The following TMPRSS5 variants were observed in gnomAD, a reference collection of about 807,000 sequenced individuals.
TMPRSS5 encodes the protein transmembrane serine protease 5, also known as transmembrane protease serine 5.
A neutral mutation model predicts 59.7 loss-of-function variants in TMPRSS5; 45 were observed. The observed-to-expected ratio is 0.75, with a 90% confidence interval of 0.59 to 0.97. The LOEUF (loss-of-function observed/expected upper bound fraction) is 0.97. TMPRSS5 is among the 50% of genes least tolerant of loss of function. The probability of loss-of-function intolerance (pLI) is 0.00; values close to 1 mark genes in which losing one functional copy is unlikely to be tolerated. For synonymous variants in TMPRSS5, 225 were observed against 232.0 expected (o/e 0.97, Z 0.27); for missense variants, 585 against 596.7 (o/e 0.98, Z 0.20).
chr11:113,693,213 A>T lies in TMPRSS5; in HGVS notation c.822T>A (p.His274Gln). ...RLARLSSWRVHAGLVSHSAVR... is the reference protein window; with the variant it reads ...RLARLSSWRVQAGLVSHSAVR... ...CGGCACTGTGGCTGACCAGCCCCGC[A>T]TGAACCCGCCAGCTGGACAGGCGGG... Residue 274 changes from histidine to glutamine, a missense_variant, in exon 9 of 13, where the codon CAT becomes CAA. Coordinates refer to ENST00000299882, the MANE Select transcript of TMPRSS5 (RefSeq NM_030770.4). 3.1e-6 allele frequency: 5 copies of T among 1,588,214 alleles called. No individual in the cohort carries two copies. The highest frequency in any genetic ancestry group is 4.3e-6 in the Non-Finnish European group (5 of 1,165,980).
chr11:113,696,878 C>T lies in TMPRSS5; in HGVS notation c.558G>A (p.Leu186=). Residue 186 remains leucine (L), a synonymous_variant, in exon 6 of 13, where the codon CTG becomes CTA. Transcript: ENST00000299882. ...AQLSPRLGGF[L]EEAWQPRNNC... ...CCTACCTGGGCTGCCACGCCTCCTC[C>T]AGGAAGCCTCCCAGTCTAGGAGAGA... The T allele has an allele frequency of 1.3e-6, 2 of 1,567,976 alleles. No homozygotes were observed. Among genetic ancestry groups the T allele is most frequent in the Non-Finnish European group, 1.7e-6 (2 of 1,155,766 alleles).
intron 6 of TMPRSS5, 77 bp from the exon 7 acceptor site, chr11:113,695,520 G>T (rs1025550992): frequency 2.0e-6 from 3 of 1,467,758 alleles, no homozygotes; most frequent in Admixed American, 1.7e-5. Flanking sequence ...CGTGAAGAAT[G>T]GGGGAGGCTG....
Position 113,700,030 on chromosome 11 carries a change from C to T in TMPRSS5, c.106+36G>A, listed in dbSNP as rs200845002. On this transcript the variant is annotated intron_variant, in intron 2 of 12. Transcript: ENST00000299882. ...TAGGATGATTGCCCTCCACTGTCCC[C>T]ACCCTGTCATTCCCCTATGGCCCAG... 2,596 of 1,552,320 alleles carry T rather than the reference C, an allele frequency of 1.7e-3. 10 individuals are homozygous for T. Among genetic ancestry groups the T allele is most frequent in the Non-Finnish European group, 2.0e-3 (2,315 of 1,147,402 alleles).
intron 9 of TMPRSS5, among the ~76,000 whole-genome samples, chr11:113,691,191 C>A (rs975286576): frequency 2.6e-5 from 4 of 152,054 alleles, no homozygotes; most frequent in Non-Finnish European, 5.9e-5. Context: ...TGGACAGGAC[C>A]CATGCTGCCC....
At chr11:113,699,207 GTCTGTCTC>G (rs1450315343) in intron 3 of TMPRSS5, among the ~76,000 whole-genome samples, 180 bp from the exon 4 acceptor site, 1,037 of 46,304 alleles carry the variant, frequency 0.022, 161 homozygotes, top group Non-Finnish European at 0.028. Flanking sequence ...TCCTTTGTCT[GTCTGTCTC>G]TCTCTCTCTC....
chr11:113,698,900 C>T lies in TMPRSS5; in HGVS notation c.328+5G>A. 3.2e-6 allele frequency: 5 copies of T among 1,583,202 alleles called. No homozygotes were observed. The highest frequency in any genetic ancestry group is 4.3e-6 in the Non-Finnish European group (5 of 1,164,746). On this transcript the variant is annotated splice_donor_5th_base_variant and intron_variant, in intron 4 of 12. Coordinates refer to ENST00000299882, the MANE Select transcript of TMPRSS5 (RefSeq NM_030770.4). Reference sequence around the variant, plus strand: ...GAGGCCCGTAGCCTTAGGGGTGCAGCCCACCTGTTTTGGGAAGTGCAGGGA... The same window carrying T: ...GAGGCCCGTAGCCTTAGGGGTGCAGTCCACCTGTTTTGGGAAGTGCAGGGA...
In TMPRSS5 at chr11:113,691,129, C is replaced by T. The variant is rs578244943; in HGVS notation, c.965-190G>A. 16 of 590,212 alleles carry T rather than the reference C, an allele frequency of 2.7e-5. No individual in the cohort carries two copies. In the South Asian group the frequency reaches 3.0e-4, roughly 11 times the overall value. 36.6% of individuals were successfully genotyped at this position (590,212 alleles called of 1,614,324 possible). On this transcript the variant is annotated intron_variant, in intron 9 of 12. Transcript: ENST00000299882. ...GGCACTGTCCCATCTTTGGGGTCCC[C>T]TGTCACAGAGGACAGCATGCAAACT...
At chr11:113,698,800 T>TA in intron 4 of TMPRSS5, 105 bp downstream of exon 4, 1 of 1,324,222 alleles carries the variant, frequency 7.6e-7, no homozygotes, top group Non-Finnish European at 1.1e-6. Context: ...GAAACACATA[T>TA]GGTTGGCAGT....
chr11:113,692,336 A>C (rs1952805757), intron 9 of TMPRSS5, among the ~76,000 whole-genome samples: 1 of 152,192 alleles, frequency 6.6e-6, no homozygotes, highest in Non-Finnish European at 1.5e-5. Flanking sequence ...GTGTGTGTAC[A>C]GTGTGCATGT....
At chr11:113,688,365 C>A in intron 12 of TMPRSS5, 91 bp from the exon 13 acceptor site, 1 of 860,548 alleles carries the variant, frequency 1.2e-6, no homozygotes. Context: ...CCATGCAGGG[C>A]CTTGATTTTC....
intron 1 of TMPRSS5, among the ~76,000 whole-genome samples, chr11:113,703,895 T>C (rs1336315452): frequency 3.9e-5 from 6 of 152,214 alleles, no homozygotes; most frequent in Admixed American, 3.9e-4. Flanking sequence ...CTTTCCTTTA[T>C]AAATTACCCA....
At chr11:113,701,166 T>C (rs1953119587) in intron 1 of TMPRSS5, among the ~76,000 whole-genome samples, 2 of 152,178 alleles carry the variant, frequency 1.3e-5, no homozygotes, top group Non-Finnish European at 2.9e-5. Flanking sequence ...ATACAGTAAA[T>C]TGGTGCTGCT....
Position 113,695,433 on chromosome 11 carries a change from T to TCAAGAAGGAAACAGAA in TMPRSS5, c.588_589insTTCTGTTTCCTTCTTG (p.Thr197PhefsTer17), listed in dbSNP as rs1952902061. The TCAAGAAGGAAACAGAA allele has an allele frequency of 6.2e-7, 1 of 1,613,782 alleles. No individual in the cohort carries two copies. Among genetic ancestry groups the TCAAGAAGGAAACAGAA allele is most frequent in the African/African-American group, 1.3e-5 (1 of 74,898 alleles). On this transcript the variant is annotated frameshift_variant, in exon 7 of 13. Coordinates refer to ENST00000299882, the MANE Select transcript of TMPRSS5 (RefSeq NM_030770.4). LOFTEE classifies it high-confidence loss of function. ...CTGAGGGAAACAACTTGACCAGAAGTGCAGTTGTTCCTGCAAAACAGAGGT... is the reference window on the plus strand; with the variant it reads ...CTGAGGGAAACAACTTGACCAGAAGTCAAGAAGGAAACAGAAGCAGTTGTTCCTGCAAAACAGAGGT...
At chr11:113,690,145 G>A in intron 11 of TMPRSS5, 86 bp downstream of exon 11, 1 of 1,476,310 alleles carries the variant, frequency 6.8e-7, no homozygotes. Context: ...GCTCAGACCA[G>A]GGCAGGGGGC....
Position 113,688,193 on chromosome 11 carries a change from G to A in TMPRSS5, c.*67C>T. ...GGCTACTGCCTCTCCTCCATTAGTG[G>A]AGCTGCTGGAGGCCCCAGGAAGCAT... On this transcript the variant is annotated 3_prime_UTR_variant, in exon 13 of 13. Coordinates refer to ENST00000299882, the MANE Select transcript of TMPRSS5 (RefSeq NM_030770.4). 1 of 1,541,592 alleles carries A rather than the reference G, an allele frequency of 6.5e-7. No homozygotes were observed.
Position 113,700,112 on chromosome 11 carries a change from TG to T in TMPRSS5, c.59del (p.Pro20GlnfsTer49). The T allele has an allele frequency of 6.3e-7, 1 of 1,584,086 alleles. No homozygotes were observed. Among genetic ancestry groups the T allele is most frequent in the Non-Finnish European group, 8.6e-7 (1 of 1,164,234 alleles). ...PMEAQYAEEG[P>X]GPGIFRAEPG... Reference sequence around the variant, plus strand: ...GCTCTGCTCTGAAGATCCCAGGTCCTGGGCCCTCCTCTGCATACTGGGCCTC... The same window carrying T: ...GCTCTGCTCTGAAGATCCCAGGTCCTGGCCCTCCTCTGCATACTGGGCCTC... On this transcript the variant is annotated frameshift_variant, in exon 2 of 13. Coordinates refer to ENST00000299882, the MANE Select transcript of TMPRSS5 (RefSeq NM_030770.4). LOFTEE classifies it high-confidence loss of function.
intron 8 of TMPRSS5, 193 bp downstream of exon 8, chr11:113,694,285 C>G: frequency 2.6e-6 from 1 of 385,634 alleles, no homozygotes; most frequent in Non-Finnish European, 4.6e-6. Context: ...AAGAACAAAT[C>G]TTCATATTAT....
intron 5 of TMPRSS5, 150 bp from the exon 6 acceptor site, chr11:113,697,121 G>C (rs1312245549): frequency 8.0e-7 from 1 of 1,244,694 alleles, no homozygotes; most frequent in African/African-American, 1.5e-5. Flanking sequence ...ACAGAGAAAT[G>C]GGCTGGGGCA....
intron 9 of TMPRSS5, 101 bp from the exon 10 acceptor site, chr11:113,691,040 C>CT: frequency 9.0e-7 from 1 of 1,113,038 alleles, no homozygotes; most frequent in African/African-American, 1.5e-5. Flanking sequence ...CCTCAGCCCC[C>CT]TTCTCAAACA....
Sources: allele counts gnomAD v4.1 joint callset (sites outside exome capture counted in the v4.1 genomes callset), GRCh38; gene constraint gnomAD v4.1.1; transcripts MANE v1.5; gene names NCBI Gene and HGNC (gene_info 2026-07-23, HGNC 2026-07-21).